CPM: variants seen among roughly 807,000 people sequenced by gnomAD.
CPM encodes renal carboxypeptidase.
CPM carries 35 observed loss-of-function variants against 46.4 expected under a neutral mutation model. The ratio of observed to expected loss-of-function variants is 0.75; its 90% CI spans 0.58 to 1.00. The LOEUF is 1.00. CPM is among the 50% of genes least tolerant of loss of function. CPM has a pLI of 0.00. For missense variants in CPM, 422 were observed against 530.4 expected (o/e 0.80, Z 2.01); for synonymous variants, 195 against 195.3 (o/e 1.00, Z 0.01).
At chr12:68,897,259 G>T (rs987092838) in intron 2 of CPM, among the ~76,000 whole-genome samples, 2 of 149,910 alleles carry the variant, frequency 1.3e-5, no homozygotes, top group Admixed American at 1.3e-4. Flanking sequence ...ATTCTTCCAT[G>T]TTCCCCTTTA....
chr12:68,899,725 C>T (rs1324401817), intron 2 of CPM, among the ~76,000 whole-genome samples: 1 of 152,176 alleles, frequency 6.6e-6, no homozygotes, highest in Non-Finnish European at 1.5e-5. Flanking sequence ...GTGAGCCTTG[C>T]TTGATTTGAT....
chr12:68,958,273 T>C (rs1889057590), intron 1 of CPM, among the ~76,000 whole-genome samples: 1 of 152,208 alleles, frequency 6.6e-6, no homozygotes. Flanking sequence ...CCACACTGTC[T>C]TTCACAATGG....
chr12:68,914,123 G>T, intron 2 of CPM: 1 of 495,398 alleles, frequency 2.0e-6, no homozygotes, highest in Non-Finnish European at 3.8e-6. Context: ...ACTATGGCCT[G>T]AAGAATGAAT....
chr12:68,950,535 T>G (rs1401131608), intron 1 of CPM, among the ~76,000 whole-genome samples: 1 of 152,132 alleles, frequency 6.6e-6, no homozygotes, highest in African/African-American at 2.4e-5. Context: ...TTGTCCAAGA[T>G]TTGGAAGGTG....
chr12:68,960,542 T>C (rs75606797), intron 1 of CPM, among the ~76,000 whole-genome samples: 1,686 of 152,292 alleles, frequency 0.011, 31 homozygotes, highest in African/African-American at 0.038. Flanking sequence ...AAAGGGATAA[T>C]GCTTCTTTAC....
intron 2 of CPM, among the ~76,000 whole-genome samples, chr12:68,898,694 G>C (rs768701267): frequency 6.6e-6 from 1 of 152,172 alleles, no homozygotes; most frequent in Non-Finnish European, 1.5e-5. Context: ...ATCCTCTTCA[G>C]GGCATCTGAC....
chr12:68,952,659 A>C (rs754855984), intron 1 of CPM, among the ~76,000 whole-genome samples: 7 of 152,176 alleles, frequency 4.6e-5, no homozygotes, highest in Non-Finnish European at 1.0e-4. Context: ...GCACCAGCTA[A>C]AGAGAGAAGA....
chr12:68,875,837 A>T (rs999335154), intron 3 of CPM, among the ~76,000 whole-genome samples: 12 of 151,990 alleles, frequency 7.9e-5, no homozygotes, highest in Admixed American at 2.6e-4. Flanking sequence ...AAATGTGATA[A>T]TCAATTTCTT....
intron 3 of CPM, among the ~76,000 whole-genome samples, chr12:68,877,276 G>A (rs1406511138): frequency 6.6e-6 from 1 of 152,068 alleles, no homozygotes; most frequent in Non-Finnish European, 1.5e-5. Flanking sequence ...GGACCTTCAC[G>A]GTTTTTCTCT....
chr12:68,941,449 C>T (rs1888760366), intron 1 of CPM, among the ~76,000 whole-genome samples: 1 of 152,144 alleles, frequency 6.6e-6, no homozygotes, highest in South Asian at 2.1e-4. Context: ...TCACAGCTCA[C>T]TGTAGCCTTA....
upstream of CPM, among the ~76,000 whole-genome samples, chr12:68,936,423 G>A (rs1888673154): frequency 6.6e-6 from 1 of 151,904 alleles, no homozygotes; most frequent in Non-Finnish European, 1.5e-5. Flanking sequence ...TTGCTCTGTT[G>A]CCCAGGCTGG....
intron 2 of CPM, among the ~76,000 whole-genome samples, chr12:68,928,352 C>A (rs1403352025): frequency 6.6e-6 from 1 of 152,148 alleles, no homozygotes; most frequent in East Asian, 1.9e-4. Flanking sequence ...CTTCCTTACA[C>A]CTTATACAAA....
chr12:68,920,693 C>CTTTTTTT lies in CPM; in HGVS notation c.160+11984_160+11985insAAAAAAA, dbSNP rs11391172. 1.1e-4 allele frequency among the ~76,000 whole-genome samples: 14 copies of CTTTTTTT among 131,806 alleles called. 2 individuals carry two copies. Among genetic ancestry groups the CTTTTTTT allele is most frequent in the African/African-American group, 2.1e-4 (7 of 32,808 alleles). 86.5% of individuals were successfully genotyped at this position (131,806 alleles called of 152,430 possible). A position where few individuals can be genotyped will look rare whatever the true frequency, so the allele number is the denominator to read the frequency against. On this transcript the variant is annotated intron_variant, in intron 2 of 8. Transcript: ENST00000551568. ...AAGCTTTTTTTTTCTTTTTCTTTTTCTTTTTCTTTTTTTTTTTTAGACAGA... is the reference window on the plus strand; with the variant it reads ...AAGCTTTTTTTTTCTTTTTCTTTTTCTTTTTTTTTTTTCTTTTTTTTTTTTAGACAGA...
chr12:68,922,314 G>T (rs1261127123), intron 2 of CPM, among the ~76,000 whole-genome samples: 1 of 152,236 alleles, frequency 6.6e-6, no homozygotes, highest in Non-Finnish European at 1.5e-5. Context: ...TTAGTTATGT[G>T]TTTGAATAAC....
At chr12:68,952,440 A>T (rs958625582) in intron 1 of CPM, among the ~76,000 whole-genome samples, 5 of 152,154 alleles carry the variant, frequency 3.3e-5, no homozygotes, top group African/African-American at 1.2e-4. Flanking sequence ...CCAGCCCCCC[A>T]TCTCCAGGAC....
chr12:68,864,887 G>T (rs1037992366), intron 7 of CPM, among the ~76,000 whole-genome samples: 5 of 151,988 alleles, frequency 3.3e-5, no homozygotes, highest in Non-Finnish European at 7.4e-5. Flanking sequence ...GTGGTGCTGT[G>T]CACCTGTAGT....
chr12:68,926,784 A>G (rs561156531), intron 2 of CPM, among the ~76,000 whole-genome samples: 24 of 152,112 alleles, frequency 1.6e-4, no homozygotes, highest in African/African-American at 5.8e-4. Flanking sequence ...TCATTGTTCA[A>G]TTCCCACCTA....
downstream of CPM, chr12:68,848,617 A>T (rs1884489571): frequency 6.6e-6 from 1 of 152,192 alleles, no homozygotes. Flanking sequence ...TTTTAGAAAA[A>T]ATTGCTCCCT....
intron 2 of CPM, chr12:68,911,913 T>A (rs1401612588): frequency 1.3e-5 from 2 of 152,170 alleles, no homozygotes; most frequent in African/African-American, 4.8e-5. Context: ...TATTAAACAG[T>A]CTTATTATAG....
Sources: gnomAD v4.1 joint callset for allele counts (sites outside exome capture counted in the v4.1 genomes callset) on GRCh38, gnomAD v4.1.1 for gene constraint, MANE v1.5 for transcripts, NCBI Gene and HGNC (gene_info 2026-07-23, HGNC 2026-07-21) for gene names.